The following WHRN variants were observed in gnomAD, a reference collection of about 807,000 sequenced individuals.
WHRN encodes the protein whirlin, also known as CASK-interacting protein CIP98.
A neutral mutation model predicts 68.3 loss-of-function variants in WHRN; 41 were observed. The observed-to-expected ratio is 0.60, with a 90% confidence interval of 0.47 to 0.78. WHRN has a LOEUF of 0.78. Ranked by LOEUF, WHRN falls within the 30% of genes least tolerant of loss-of-function variation. The pLI is 0.00. For missense variants in WHRN, 1,243 were observed against 1,244.7 expected, an observed-to-expected ratio of 1.00 and a Z score of 0.02; for synonymous variants, 560 against 561.3, an observed-to-expected ratio of 1.00 and a Z score of 0.03.
At chr9:114,461,491 C>T (rs1398082950) in intron 3 of WHRN, among the ~76,000 whole-genome samples, 1 of 152,192 alleles carries the variant, frequency 6.6e-6, no homozygotes, top group East Asian at 1.9e-4. Flanking sequence ...CGTCTTTTCA[C>T]AGCTGCACAG....
chr9:114,488,515 C>A (rs1379498126), intron 1 of WHRN, among the ~76,000 whole-genome samples: 2 of 152,084 alleles, frequency 1.3e-5, no homozygotes, highest in African/African-American at 4.8e-5. Context: ...CCTTAAACAC[C>A]AGGCCAATCC....
At chr9:114,491,695 C>A in intron 1 of WHRN, 1 of 252,586 alleles carries the variant, frequency 4.0e-6, no homozygotes. Context: ...GGAGATCATG[C>A]AGCAGAAGGA....
At chr9:114,492,011 A>C (rs1843014212) in intron 1 of WHRN, among the ~76,000 whole-genome samples, 1 of 51,650 alleles carries the variant, frequency 1.9e-5, no homozygotes, top group African/African-American at 4.0e-5. Context: ...TAGCTTTGTA[A>C]TTTGAAAAAA....
In WHRN at chr9:114,486,993, ATAT is replaced by A. The variant is rs1327612075; in HGVS notation, c.619-8225_619-8223del. The stretch of plus-strand genomic sequence containing the variant: ...TATATATATATATATATATATATAT[ATAT>A]ATATATATATATAATATATATAGTG... On this transcript the variant is annotated intron_variant, in intron 1 of 11. Coordinates refer to ENST00000362057, the MANE Select transcript of WHRN (RefSeq NM_015404.4). Among the ~76,000 whole-genome samples the A allele has an allele frequency of 2.5e-4, 7 of 27,490 alleles. 1 individual carries two copies. The highest frequency in any genetic ancestry group is 7.8e-4 in the African/African-American group (7 of 8,994). The allele number at this position is 27,490 out of a possible 152,430, so 18.0% of individuals were successfully genotyped here. A position where few individuals can be genotyped will look rare whatever the true frequency, so the allele number is the denominator to read the frequency against.
intron 1 of WHRN, among the ~76,000 whole-genome samples, chr9:114,497,328 A>G (rs935273647): frequency 6.6e-6 from 1 of 152,222 alleles, no homozygotes; most frequent in African/African-American, 2.4e-5. Flanking sequence ...ATTTAGCAAA[A>G]GGAACACAAA....
chr9:114,482,880 A>C (rs1057514807), intron 1 of WHRN, among the ~76,000 whole-genome samples: 3 of 152,050 alleles, frequency 2.0e-5, no homozygotes, highest in Admixed American at 2.0e-4. Context: ...CAAGTCGCTG[A>C]GTCTCCCACA....
In WHRN at chr9:114,403,900, T is replaced by G; in HGVS notation, c.2414A>C (p.Lys805Thr). The G allele has an allele frequency of 6.2e-7, 1 of 1,610,650 alleles. No homozygotes were observed. The highest frequency in any genetic ancestry group is 1.1e-5 in the South Asian group (1 of 91,072). ...RNERPTDGANKPPGLLEPTST... is the reference protein window; with the variant it reads ...RNERPTDGANTPPGLLEPTST... The stretch of plus-strand genomic sequence containing the variant: ...ATCCTCCTCCTCCTGGCTCACCGGT[T>G]TGTTGGCCCCATCTGTGGGCCTCTC... Residue 805 changes from lysine to threonine, a missense_variant, in exon 10 of 12, where the codon AAA (lysine) becomes ACA (threonine). Lys to Thr is a moderately conservative substitution (Grantham distance 78). Coordinates refer to ENST00000362057, the MANE Select transcript of WHRN (RefSeq NM_015404.4).
intron 3 of WHRN, among the ~76,000 whole-genome samples, chr9:114,454,960 T>A (rs1535967): frequency 0.75 from 114,367 of 152,132 alleles, 43,190 homozygotes; most frequent in East Asian, 0.98. Flanking sequence ...TCACTGGAGA[T>A]AGGGTAGTCC....
chr9:114,423,552 G>C, intron 6 of WHRN, 29 bp from the exon 7 acceptor site: 1 of 1,586,700 alleles, frequency 6.3e-7, no homozygotes. Context: ...GGGGCACTCA[G>C]CAGGGAGCGC....
At chr9:114,422,768 G>A (rs1460235613) in intron 7 of WHRN, among the ~76,000 whole-genome samples, 1 of 152,212 alleles carries the variant, frequency 6.6e-6, no homozygotes, top group South Asian at 2.1e-4. Flanking sequence ...TGGGGAGGTG[G>A]AGGTTGCAGT....
At chr9:114,420,502 G>A (rs984307383) in intron 7 of WHRN, among the ~76,000 whole-genome samples, 1 of 152,196 alleles carries the variant, frequency 6.6e-6, no homozygotes, top group African/African-American at 2.4e-5. Flanking sequence ...CTTCAAGGAG[G>A]GCCCTGTTTG....
rs1019644947 is a variant in WHRN at position 114,402,616 on chromosome 9, G to A, written c.*138C>T. The A allele has an allele frequency of 1.6e-5, 17 of 1,080,350 alleles. No individual in the cohort carries two copies. Among genetic ancestry groups the A allele is most frequent in the Non-Finnish European group, 2.2e-5 (16 of 712,062 alleles). The allele number at this position is 1,080,350 out of a possible 1,614,324, so 66.9% of individuals were successfully genotyped here. Reference sequence around the variant, plus strand: ...TCCTCTCCCAGTTCTGGTCCAGTGGGCTGGGATGGAGGGGGGATGTCTTCC... The same window carrying A: ...TCCTCTCCCAGTTCTGGTCCAGTGGACTGGGATGGAGGGGGGATGTCTTCC... On this transcript the variant is annotated 3_prime_UTR_variant, in exon 12 of 12. Transcript: ENST00000362057.
At position 114,504,209 on chromosome 9, in the gene WHRN, C is replaced by G; in HGVS notation, c.593G>C (p.Arg198Pro). ...ILRVNDKSLA[R>P]VTHAEAVKAL... ...CTTGACGGCCTCCGCGTGGGTCACC[C>G]GGGCCAGGGATTTGTCGTTGACGCG... The change falls in exon 1 of 12, where the codon CGG becomes CCG. Residue 198 changes from arginine to proline, a missense_variant. Transcript: ENST00000362057. 6.2e-7 allele frequency: 1 copy of G among 1,614,196 alleles called. No homozygotes were observed. Among genetic ancestry groups the G allele is most frequent in the South Asian group, 1.1e-5 (1 of 91,084 alleles).
chr9:114,426,365 G>C lies in WHRN; in HGVS notation c.1012C>G (p.Leu338Val). The change falls in exon 4 of 12, where the codon CTA becomes GTA. Residue 338 changes from leucine to valine, a missense_variant. Coordinates refer to ENST00000362057, the MANE Select transcript of WHRN (RefSeq NM_015404.4). Reference protein sequence around the residue: ...EVNGRSFLNILHDEAVRLLKS... With the variant: ...EVNGRSFLNIVHDEAVRLLKS... ...AGCAGCCTGACAGCCTCGTCGTGTAGGATGTTGAGAAAGCTCCGCCCATTC... is the reference window on the plus strand; with the variant it reads ...AGCAGCCTGACAGCCTCGTCGTGTACGATGTTGAGAAAGCTCCGCCCATTC... The C allele has an allele frequency of 6.2e-7, 1 of 1,614,140 alleles. No individual in the cohort carries two copies. Among genetic ancestry groups the C allele is most frequent in the Non-Finnish European group, 8.5e-7 (1 of 1,180,042 alleles).
At chr9:114,500,115 T>C (rs1843796297) in intron 1 of WHRN, among the ~76,000 whole-genome samples, 1 of 152,204 alleles carries the variant, frequency 6.6e-6, no homozygotes, top group African/African-American at 2.4e-5. Context: ...GCCTACTAAA[T>C]ATACAAGACT....
At chr9:114,425,555 T>C in intron 4 of WHRN, 1 of 256,830 alleles carries the variant, frequency 3.9e-6, no homozygotes, top group Non-Finnish European at 7.4e-6. Flanking sequence ...AAATGTTTAA[T>C]ACTATGCAGG....
At chr9:114,503,027 C>T in intron 1 of WHRN, 1 of 697,070 alleles carries the variant, frequency 1.4e-6, no homozygotes, top group Non-Finnish European at 1.8e-6. Flanking sequence ...AGGGCTTCCT[C>T]CAAAGGGGTT....
Position 114,424,395 on chromosome 9 carries a change from C to A in WHRN, c.1355G>T (p.Gly452Val). 1.2e-6 allele frequency: 2 copies of A among 1,612,800 alleles called. No individual in the cohort carries two copies. Among genetic ancestry groups the A allele is most frequent in the Non-Finnish European group, 8.5e-7 (1 of 1,180,010 alleles). The change falls in exon 6 of 12, where the codon GGC (glycine) becomes GTC (valine). Residue 452 changes from glycine to valine, a missense_variant. Physicochemically the swap from Gly to Val is moderately radical, Grantham distance 109. Transcript: ENST00000362057. ...GACGAGGGCCTCCACAGAGACGCTGCCACCACGGTACTCATCCAGGTAGTA... is the reference window on the plus strand; with the variant it reads ...GACGAGGGCCTCCACAGAGACGCTGACACCACGGTACTCATCCAGGTAGTA... ...MAYYLDEYRG[G>V]SVSVEALVMA...
chr9:114,505,454 G>A lies in WHRN; in HGVS notation c.-653C>T, dbSNP rs1443077621. The A allele has an allele frequency of 6.6e-6, 1 of 152,300 alleles. No homozygotes were observed. The highest frequency in any genetic ancestry group is 6.5e-5 in the Admixed American group (1 of 15,294). 9.4% of individuals were successfully genotyped at this position (152,300 alleles called of 1,614,324 possible). On this transcript the variant is annotated 5_prime_UTR_variant, in exon 1 of 12. Transcript: ENST00000362057. ...GCAAGCCCGGACTTTGCGAACTGTTGAGCCACCCGGGCCGAGTCTTCCAGC... is the reference window on the plus strand; with the variant it reads ...GCAAGCCCGGACTTTGCGAACTGTTAAGCCACCCGGGCCGAGTCTTCCAGC...
Sources: allele counts gnomAD v4.1 joint callset (sites outside exome capture counted in the v4.1 genomes callset), GRCh38; gene constraint gnomAD v4.1.1; transcripts MANE v1.5; gene names NCBI Gene and HGNC (gene_info 2026-07-23, HGNC 2026-07-21).